The following RPH3A variants were observed in gnomAD, a reference collection of about 807,000 sequenced individuals.
RPH3A encodes rabphilin 3A.
A neutral mutation model predicts 102.2 loss-of-function variants in RPH3A; 48 were observed. The ratio of observed to expected loss-of-function variants is 0.47; its 90% CI spans 0.37 to 0.60. RPH3A has a LOEUF of 0.60. RPH3A is among the 20% of genes least tolerant of loss of function. The probability of loss-of-function intolerance (pLI) is 0.00; values close to 1 mark genes in which losing one functional copy is unlikely to be tolerated. For missense variants in RPH3A, 781 were observed against 910.1 expected (o/e 0.86, Z 1.83); for synonymous variants, 310 against 324.3 (o/e 0.96, Z 0.47).
intron 19 of RPH3A, 165 bp downstream of exon 19, chr12:112,891,168 G>A (rs953857929): frequency 2.7e-6 from 2 of 748,856 alleles, no homozygotes; most frequent in Admixed American, 2.8e-5. Flanking sequence ...TGGCAAGAAT[G>A]TGGGTCTGGA....
At chr12:112,692,487 C>A (rs1592946292) in intron 1 of RPH3A, among the ~76,000 whole-genome samples, 1 of 151,984 alleles carries the variant, frequency 6.6e-6, no homozygotes, top group South Asian at 2.1e-4. Context: ...CAATTCTGAC[C>A]AGCCAAATTT....
intron 2 of RPH3A, among the ~76,000 whole-genome samples, chr12:112,804,885 A>C (rs2041427226): frequency 6.6e-6 from 1 of 152,304 alleles, no homozygotes; most frequent in South Asian, 2.1e-4. Context: ...TTCCTAATTC[A>C]GGAAGGCTCC....
intron 2 of RPH3A, among the ~76,000 whole-genome samples, chr12:112,816,094 T>C (rs1426620759): frequency 1.3e-5 from 2 of 152,176 alleles, no homozygotes; most frequent in East Asian, 1.9e-4. Context: ...GGAAGGTCAA[T>C]CCTGGATGCT....
chr12:112,808,369 G>A (rs901063305), intron 2 of RPH3A, among the ~76,000 whole-genome samples: 1 of 152,196 alleles, frequency 6.6e-6, no homozygotes, highest in Non-Finnish European at 1.5e-5. Context: ...CTGGTGGAGC[G>A]GCAGGCTTAT....
rs529516860 is a variant in RPH3A at position 112,894,291 on chromosome 12, G to A, written c.1776-287G>A. 4 of 451,892 alleles carry A rather than the reference G, an allele frequency of 8.9e-6. No homozygotes were observed. In the South Asian group the frequency reaches 1.1e-4, roughly 13 times the overall value. 28.0% of individuals were successfully genotyped at this position (451,892 alleles called of 1,614,324 possible). A position where few individuals can be genotyped will look rare whatever the true frequency, so the allele number is the denominator to read the frequency against. On this transcript the variant is annotated intron_variant, in intron 19 of 21. Transcript: ENST00000389385. ...AACATCTGGATTCAATCCCAGCTGTGTGAGCTAGGGCACACTTCTGCCTCT... is the reference window on the plus strand; with the variant it reads ...AACATCTGGATTCAATCCCAGCTGTATGAGCTAGGGCACACTTCTGCCTCT...
chr12:112,860,386 T>C (rs1305053950), intron 5 of RPH3A, among the ~76,000 whole-genome samples: 2 of 152,188 alleles, frequency 1.3e-5, no homozygotes, highest in African/African-American at 4.8e-5. Flanking sequence ...GTTGCATTTC[T>C]GTGCCATTTG....
chr12:112,683,707 T>A (rs1032582319), intron 1 of RPH3A, among the ~76,000 whole-genome samples: 2 of 152,186 alleles, frequency 1.3e-5, no homozygotes, highest in African/African-American at 4.8e-5. Context: ...ATTTCACTGA[T>A]TCCCACACCT....
intron 1 of RPH3A, among the ~76,000 whole-genome samples, chr12:112,699,158 C>A (rs1376214298): frequency 1.3e-5 from 2 of 152,148 alleles, no homozygotes; most frequent in African/African-American, 4.8e-5. Flanking sequence ...TAGGCTCCAG[C>A]AATCCTCCTG....
intron 1 of RPH3A, among the ~76,000 whole-genome samples, chr12:112,743,227 G>C (rs1390151923): frequency 2.0e-5 from 3 of 152,158 alleles, no homozygotes; most frequent in South Asian, 2.1e-4. Flanking sequence ...AGACCTCTTG[G>C]GGGTGGGTGG....
chr12:112,807,250 G>A (rs2041487213), intron 2 of RPH3A, among the ~76,000 whole-genome samples: 1 of 152,090 alleles, frequency 6.6e-6, no homozygotes, highest in East Asian at 1.9e-4. Flanking sequence ...CAAGAACTTG[G>A]AGAGGCTTGA....
At chr12:112,760,620 G>C (rs548453532) in intron 1 of RPH3A, among the ~76,000 whole-genome samples, 2 of 152,212 alleles carry the variant, frequency 1.3e-5, no homozygotes, top group Non-Finnish European at 2.9e-5. Flanking sequence ...GCAAGGCACT[G>C]ACTGAGGCTC....
intron 1 of RPH3A, among the ~76,000 whole-genome samples, chr12:112,606,421 C>T (rs369751863): frequency 8.5e-5 from 13 of 152,110 alleles, no homozygotes; most frequent in African/African-American, 3.1e-4. Context: ...TGGAGTCTGT[C>T]ACCAGGCTGG....
At chr12:112,712,948 CTT>C (rs2040479332) in intron 1 of RPH3A, among the ~76,000 whole-genome samples, 2 of 112,284 alleles carry the variant, frequency 1.8e-5, no homozygotes, top group Non-Finnish European at 3.9e-5. Context: ...TCTTCTTCTT[CTT>C]CTTCTTCTTC....
chr12:112,670,996 C>A (rs139030931), intron 1 of RPH3A, among the ~76,000 whole-genome samples: 1 of 152,114 alleles, frequency 6.6e-6, no homozygotes, highest in African/African-American at 2.4e-5. Flanking sequence ...ATTAATCAAC[C>A]ACAGGGGGGA....
intron 1 of RPH3A, among the ~76,000 whole-genome samples, chr12:112,576,659 G>T (rs1206915730): frequency 6.6e-6 from 1 of 152,220 alleles, no homozygotes; most frequent in Admixed American, 6.5e-5. Flanking sequence ...CCAGCCCTGA[G>T]TTCTTATTTT....
chr12:112,803,486 A>ATATTATTAT (rs138267182), intron 2 of RPH3A, among the ~76,000 whole-genome samples: 52 of 150,360 alleles, frequency 3.5e-4, no homozygotes, highest in African/African-American at 1.2e-3. Flanking sequence ...TGGGAAGGAG[A>ATATTATTAT]TATTATTATT....
chr12:112,703,977 A>G (rs1009515109), intron 1 of RPH3A, among the ~76,000 whole-genome samples: 7 of 152,310 alleles, frequency 4.6e-5, no homozygotes, highest in South Asian at 2.1e-4. Flanking sequence ...CTCCTCCCAG[A>G]TCAGACTTGA....
intron 1 of RPH3A, among the ~76,000 whole-genome samples, chr12:112,597,492 G>A (rs879602793): frequency 3.3e-5 from 5 of 152,196 alleles, no homozygotes; most frequent in Admixed American, 2.0e-4. Context: ...ACAGCCTTGG[G>A]AGGCTGAGGT....
At chr12:112,708,708 A>G (rs919666519) in intron 1 of RPH3A, among the ~76,000 whole-genome samples, 8 of 152,276 alleles carry the variant, frequency 5.3e-5, no homozygotes, top group Admixed American at 2.6e-4. Flanking sequence ...ATGAGTGTCC[A>G]TGTATCTGAT....
Sources: gnomAD v4.1 joint callset for allele counts (sites outside exome capture counted in the v4.1 genomes callset) on GRCh38, gnomAD v4.1.1 for gene constraint, MANE v1.5 for transcripts, NCBI Gene and HGNC (gene_info 2026-07-23, HGNC 2026-07-21) for gene names.